ADAMTS3: variants seen among roughly 807,000 people sequenced by gnomAD.
ADAMTS3 encodes ADAM metallopeptidase with thrombospondin type 1 motif 3, also known as A disintegrin and metalloproteinase with thrombospondin motifs 3.
In ADAMTS3, 73 loss-of-function variants were observed where a neutral mutation model predicts 129.0. The observed-to-expected ratio is 0.57, with a 90% CI of 0.47 to 0.69. The LOEUF is 0.69. Among genes scored for constraint, ADAMTS3 ranks in the 30% least tolerant of loss-of-function variants. The probability of loss-of-function intolerance (pLI) is 0.00; values close to 1 mark genes in which losing one functional copy is unlikely to be tolerated. For missense variants in ADAMTS3, 1,457 were observed against 1,514.5 expected, an observed-to-expected ratio of 0.96 and a Z score of 0.63; for synonymous variants, 477 against 510.8, an observed-to-expected ratio of 0.93 and a Z score of 0.89.
At chr4:72,560,161 C>T (rs1051662847) in intron 2 of ADAMTS3, among the ~76,000 whole-genome samples, 2 of 151,334 alleles carry the variant, frequency 1.3e-5, no homozygotes, top group African/African-American at 2.4e-5. Context: ...CCCTTCCTTA[C>T]ACCTTATTTA....
intron 4 of ADAMTS3, among the ~76,000 whole-genome samples, chr4:72,392,915 ATTTTT>A (rs36046621): frequency 1.4e-5 from 2 of 139,852 alleles, no homozygotes; most frequent in East Asian, 2.1e-4. Context: ...TACCCATCGG[ATTTTT>A]TTTTTTTTTC....
chr4:72,460,406 A>C (rs1453924288), intron 3 of ADAMTS3, among the ~76,000 whole-genome samples: 1 of 151,560 alleles, frequency 6.6e-6, no homozygotes, highest in Non-Finnish European at 1.5e-5. Context: ...AAGAATAAAA[A>C]TAAAAGGGCT....
chr4:72,547,913 G>T (rs190719476), intron 3 of ADAMTS3, among the ~76,000 whole-genome samples: 1 of 152,118 alleles, frequency 6.6e-6, no homozygotes, highest in East Asian at 1.9e-4. Context: ...AGCAACATAT[G>T]GGTATTAAAT....
At chr4:72,469,796 T>C (rs1377064578) in intron 3 of ADAMTS3, among the ~76,000 whole-genome samples, 1 of 152,172 alleles carries the variant, frequency 6.6e-6, no homozygotes, top group Non-Finnish European at 1.5e-5. Context: ...ACTTAATGAA[T>C]AATAAATACA....
In ADAMTS3 at chr4:72,339,668, A is replaced by G. The variant is rs1289992827; in HGVS notation, c.687T>C (p.Asp229=). ...GGATGTTGCCATAAACAGTACCTAGATCATCAAGGCCTTCCAGGTCCGACT... is the reference window on the plus strand; with the variant it reads ...GGATGTTGCCATAAACAGTACCTAGGTCATCAAGGCCTTCCAGGTCCGACT... ...YRESDLEGLD[D]LGTVYGNIHQ... Residue 229 remains aspartate (D), a synonymous_variant, in exon 5 of 22, where the codon GAT becomes GAC. Coordinates refer to ENST00000286657, the MANE Select transcript of ADAMTS3 (RefSeq NM_014243.3). 6.2e-7 allele frequency: 1 copy of G among 1,613,800 alleles called. No homozygotes were observed. Among genetic ancestry groups the G allele is most frequent in the Non-Finnish European group, 8.5e-7 (1 of 1,179,824 alleles).
At chr4:72,544,272 C>T (rs1578781879) in intron 3 of ADAMTS3, among the ~76,000 whole-genome samples, 1 of 152,038 alleles carries the variant, frequency 6.6e-6, no homozygotes, top group Non-Finnish European at 1.5e-5. Flanking sequence ...GATTTTTCAA[C>T]CCCTTTTTTT....
intron 4 of ADAMTS3, among the ~76,000 whole-genome samples, chr4:72,384,979 T>G (rs146174089): frequency 6.6e-6 from 1 of 151,944 alleles, no homozygotes; most frequent in Non-Finnish European, 1.5e-5. Context: ...CCATCCTGGC[T>G]AACACCCTGA....
chr4:72,412,863 G>T (rs768218624), intron 4 of ADAMTS3, among the ~76,000 whole-genome samples: 3 of 151,920 alleles, frequency 2.0e-5, no homozygotes, highest in Non-Finnish European at 4.4e-5. Context: ...GAAAAACTCA[G>T]TCTTCAGTGT....
At chr4:72,454,083 A>G (rs1407737780) in intron 3 of ADAMTS3, among the ~76,000 whole-genome samples, 2 of 151,410 alleles carry the variant, frequency 1.3e-5, no homozygotes, top group African/African-American at 4.8e-5. Context: ...GCTCATTCAC[A>G]AAGATTAGAA....
At chr4:72,403,318 G>T (rs973864787) in intron 4 of ADAMTS3, among the ~76,000 whole-genome samples, 9 of 152,004 alleles carry the variant, frequency 5.9e-5, no homozygotes, top group African/African-American at 2.2e-4. Context: ...TCTCTGATGT[G>T]CATAGATAAC....
At chr4:72,332,228 A>G (rs935881592) in intron 5 of ADAMTS3, among the ~76,000 whole-genome samples, 5 of 152,212 alleles carry the variant, frequency 3.3e-5, no homozygotes, top group African/African-American at 4.8e-5. Flanking sequence ...GTTTTCAAAA[A>G]AGTTAAAAAA....
At chr4:72,482,423 A>G (rs1719463705) in intron 3 of ADAMTS3, among the ~76,000 whole-genome samples, 1 of 152,120 alleles carries the variant, frequency 6.6e-6, no homozygotes, top group African/African-American at 2.4e-5. Context: ...AAAAGGTTAC[A>G]TACTATATAG....
intron 2 of ADAMTS3, among the ~76,000 whole-genome samples, chr4:72,565,336 T>A (rs1721996026): frequency 6.6e-6 from 1 of 152,188 alleles, no homozygotes; most frequent in Non-Finnish European, 1.5e-5. Flanking sequence ...CCCAGGTAGT[T>A]ATATAAAACT....
intron 4 of ADAMTS3, among the ~76,000 whole-genome samples, chr4:72,355,778 A>G: frequency 6.6e-6 from 1 of 152,028 alleles, no homozygotes; most frequent in South Asian, 2.1e-4. Flanking sequence ...TTTATAAATT[A>G]CTCCATCTGT....
chr4:72,568,009 C>G (rs1212847261), intron 1 of ADAMTS3: 1 of 153,086 alleles, frequency 6.5e-6, no homozygotes, highest in Non-Finnish European at 1.5e-5. Context: ...AGAAACAGAG[C>G]TGCACTCAAC....
intron 3 of ADAMTS3, among the ~76,000 whole-genome samples, chr4:72,478,230 A>G (rs942261961): frequency 1.3e-5 from 2 of 152,136 alleles, no homozygotes; most frequent in African/African-American, 4.8e-5. Context: ...CTGGGCAGAG[A>G]CACAACTAAA....
intron 4 of ADAMTS3, among the ~76,000 whole-genome samples, chr4:72,413,017 C>G (rs1722219020): frequency 6.6e-6 from 1 of 151,954 alleles, no homozygotes; most frequent in South Asian, 2.1e-4. Flanking sequence ...GTTAATTTCC[C>G]TATTCTATCA....
At chr4:72,482,139 AT>A (rs766870509) in intron 3 of ADAMTS3, among the ~76,000 whole-genome samples, 1 of 152,004 alleles carries the variant, frequency 6.6e-6, no homozygotes, top group Non-Finnish European at 1.5e-5. Flanking sequence ...CAATCCAGAA[AT>A]TTCACTCTAG....
chr4:72,421,913 C>T (rs902915811), intron 3 of ADAMTS3, among the ~76,000 whole-genome samples: 15 of 152,138 alleles, frequency 9.9e-5, no homozygotes, highest in African/African-American at 3.6e-4. Flanking sequence ...GTACTAATAA[C>T]TAAATAGTGA....
Sources: allele counts gnomAD v4.1 joint callset (sites outside exome capture counted in the v4.1 genomes callset), GRCh38; gene constraint gnomAD v4.1.1; transcripts MANE v1.5; gene names NCBI Gene and HGNC (gene_info 2026-07-23, HGNC 2026-07-21).